BMPR1A: variants seen among roughly 807,000 people sequenced by gnomAD.
The protein encoded by BMPR1A is bone morphogenetic protein receptor type-1A.
In BMPR1A, 7 loss-of-function variants were observed where a neutral mutation model predicts 66.0. That is an observed-to-expected ratio of 0.11 (90% CI 0.06 to 0.20). The LOEUF is 0.20. Among genes scored for constraint, BMPR1A ranks in the 10% least tolerant of loss-of-function variants. The probability of loss-of-function intolerance (pLI) is 1.00; values close to 1 mark genes in which losing one functional copy is unlikely to be tolerated. For synonymous variants in BMPR1A, 200 were observed against 229.7 expected (o/e 0.87, Z 1.17); for missense variants, 408 against 669.1 (o/e 0.61, Z 4.31).
chr10:86,784,707 TTTCTGTTTC>T (rs1335310271), intron 1 of BMPR1A, among the ~76,000 whole-genome samples: 1 of 152,164 alleles, frequency 6.6e-6, no homozygotes, highest in Non-Finnish European at 1.5e-5. Context: ...TTGTTAAGAT[TTTCTGTTTC>T]TTCGTGATTC....
chr10:86,891,201 G>A (rs1056376317), intron 4 of BMPR1A, among the ~76,000 whole-genome samples: 1 of 152,124 alleles, frequency 6.6e-6, no homozygotes, highest in Non-Finnish European at 1.5e-5. Context: ...GTGACTAGTT[G>A]TTCATTTTTA....
At chr10:86,910,141 T>C (rs1843456779) in intron 7 of BMPR1A, among the ~76,000 whole-genome samples, 1 of 152,004 alleles carries the variant, frequency 6.6e-6, no homozygotes, top group Admixed American at 6.6e-5. Context: ...AAGACCAGCC[T>C]GGCCAACATG....
At chr10:86,758,880 T>C (rs1321972822) in intron 1 of BMPR1A, among the ~76,000 whole-genome samples, 1 of 152,254 alleles carries the variant, frequency 6.6e-6, no homozygotes, top group African/African-American at 2.4e-5. Context: ...CTTCACATTT[T>C]CAGATGCCTC....
chr10:86,851,486 T>G (rs1258027977), intron 2 of BMPR1A, among the ~76,000 whole-genome samples: 1 of 152,214 alleles, frequency 6.6e-6, no homozygotes, highest in African/African-American at 2.4e-5. Context: ...AGTCACTACA[T>G]GGCACATAAC....
intron 8 of BMPR1A, among the ~76,000 whole-genome samples, chr10:86,914,700 A>G (rs1843538959): frequency 6.6e-6 from 1 of 152,240 alleles, no homozygotes; most frequent in Non-Finnish European, 1.5e-5. Flanking sequence ...GCTAAGACTG[A>G]TAATATTAAG....
Position 86,925,873 on chromosome 10 carries a change from G to T in BMPR1A, c.*2154G>T, listed in dbSNP as rs1011476373. 2.5e-5 allele frequency: 4 copies of T among 163,208 alleles called. No homozygotes were observed. Among genetic ancestry groups the T allele is most frequent in the South Asian group, 4.1e-4 (2 of 4,856 alleles). 10.1% of individuals were successfully genotyped at this position (163,208 alleles called of 1,614,324 possible). On this transcript the variant is annotated 3_prime_UTR_variant, in exon 13 of 13. Transcript: ENST00000372037. ...CTCCCGAGTAGCTGGGACTACAGGC[G>T]CCCGCCACCGCGCCCGGCTAATTTT...
At chr10:86,818,934 T>C (rs966468166) in intron 1 of BMPR1A, among the ~76,000 whole-genome samples, 2 of 152,202 alleles carry the variant, frequency 1.3e-5, no homozygotes, top group African/African-American at 4.8e-5. Flanking sequence ...AGGTTTAGAT[T>C]AGTTCCTGGG....
intron 1 of BMPR1A, among the ~76,000 whole-genome samples, chr10:86,784,393 G>T (rs573469608): frequency 6.6e-6 from 1 of 152,258 alleles, no homozygotes; most frequent in Non-Finnish European, 1.5e-5. Flanking sequence ...TTAATGTGGT[G>T]TATTACATTT....
intron 7 of BMPR1A, among the ~76,000 whole-genome samples, chr10:86,908,964 A>G (rs1167033557): frequency 6.6e-6 from 1 of 152,170 alleles, no homozygotes; most frequent in African/African-American, 2.4e-5. Context: ...CAAGAGGCAG[A>G]GGGACTTTGC....
chr10:86,828,965 C>T (rs1842232216), intron 1 of BMPR1A, among the ~76,000 whole-genome samples: 1 of 152,074 alleles, frequency 6.6e-6, no homozygotes, highest in Admixed American at 6.6e-5. Context: ...TGCAAAAGAA[C>T]ATAGAGCTGG....
intron 2 of BMPR1A, among the ~76,000 whole-genome samples, chr10:86,864,914 C>T (rs374918140): frequency 1.1e-3 from 173 of 152,236 alleles, no homozygotes; most frequent in Non-Finnish European, 1.1e-3. Flanking sequence ...GTTCCCACGC[C>T]GCCCCTAATC....
intron 1 of BMPR1A, among the ~76,000 whole-genome samples, chr10:86,767,943 C>A (rs934378590): frequency 6.6e-6 from 1 of 152,178 alleles, no homozygotes; most frequent in African/African-American, 2.4e-5. Flanking sequence ...ATTTGTCTTT[C>A]CTACATGTTA....
intron 1 of BMPR1A, among the ~76,000 whole-genome samples, chr10:86,827,042 A>G (rs1362067237): frequency 6.6e-6 from 1 of 152,136 alleles, no homozygotes; most frequent in African/African-American, 2.4e-5. Context: ...AATAATAACA[A>G]TACATGAATA....
chr10:86,825,589 A>G (rs1368091774), intron 1 of BMPR1A, among the ~76,000 whole-genome samples: 1 of 151,904 alleles, frequency 6.6e-6, no homozygotes, highest in Non-Finnish European at 1.5e-5. Context: ...TGATCCTCCC[A>G]CCTCAGCCTC....
At chr10:86,790,224 T>G (rs1410054596) in intron 1 of BMPR1A, among the ~76,000 whole-genome samples, 1 of 62,876 alleles carries the variant, frequency 1.6e-5, no homozygotes, top group East Asian at 9.2e-4. Context: ...TATATATATA[T>G]ATATATATAT....
At chr10:86,906,304 A>AGT (rs1233113901) in intron 7 of BMPR1A, among the ~76,000 whole-genome samples, 1 of 150,916 alleles carries the variant, frequency 6.6e-6, no homozygotes, top group African/African-American at 2.4e-5. Context: ...TACATTTAGA[A>AGT]GCGTGTGTGT....
At chr10:86,800,739 C>T (rs7907416) in intron 1 of BMPR1A, among the ~76,000 whole-genome samples, 8 of 152,194 alleles carry the variant, frequency 5.3e-5, no homozygotes, top group Admixed American at 1.3e-4. Flanking sequence ...TAATTCTTTG[C>T]GAAAATAATG....
chr10:86,860,102 G>A (rs1842693480), intron 2 of BMPR1A, among the ~76,000 whole-genome samples: 1 of 151,470 alleles, frequency 6.6e-6, no homozygotes, highest in African/African-American at 2.4e-5. Context: ...TTGCACCTGT[G>A]AATAGCTCCT....
intron 1 of BMPR1A, among the ~76,000 whole-genome samples, chr10:86,800,986 A>C (rs947793961): frequency 1.3e-5 from 2 of 152,236 alleles, no homozygotes; most frequent in African/African-American, 4.8e-5. Context: ...ATGGCAAGAA[A>C]CTTTGTATGT....
Sources: gnomAD v4.1 joint callset for allele counts (sites outside exome capture counted in the v4.1 genomes callset) on GRCh38, gnomAD v4.1.1 for gene constraint, MANE v1.5 for transcripts, NCBI Gene and HGNC (gene_info 2026-07-23, HGNC 2026-07-21) for gene names.